The following GRIA1 variants were observed in gnomAD, a reference collection of about 807,000 sequenced individuals.
GRIA1 encodes glutamate receptor 1.
GRIA1 carries 31 observed loss-of-function variants against 99.2 expected under a neutral mutation model. The observed-to-expected ratio is 0.31, with a 90% CI of 0.23 to 0.42. The LOEUF (loss-of-function observed/expected upper bound fraction) is 0.42. GRIA1 is among the 10% of genes least tolerant of loss of function. The pLI is 1.00. For synonymous variants in GRIA1, 438 were observed against 432.4 expected (o/e 1.01, Z -0.16); for missense variants, 782 against 1,157.5 (o/e 0.68, Z 4.71).
intron 11 of GRIA1, among the ~76,000 whole-genome samples, chr5:153,753,699 G>GAA (rs570394934): frequency 0.12 from 17,624 of 145,212 alleles, 1,160 homozygotes; most frequent in South Asian, 0.28. Flanking sequence ...AATTCTGCAG[G>GAA]AAAAAAAAAA....
chr5:153,708,270 C>G (rs115736581), intron 11 of GRIA1, among the ~76,000 whole-genome samples: 6,596 of 152,242 alleles, frequency 0.043, 155 homozygotes, highest in Middle Eastern at 0.11. Flanking sequence ...CGCGCATTCA[C>G]GGTTCACCCC....
chr5:153,744,010 T>C (rs1761987015), intron 11 of GRIA1, among the ~76,000 whole-genome samples: 1 of 152,118 alleles, frequency 6.6e-6, no homozygotes, highest in African/African-American at 2.4e-5. Flanking sequence ...GCTTCTCCTC[T>C]TTGAGAACTG....
At chr5:153,571,638 G>C (rs1183455767) in intron 2 of GRIA1, among the ~76,000 whole-genome samples, 1 of 152,100 alleles carries the variant, frequency 6.6e-6, no homozygotes, top group African/African-American at 2.4e-5. Flanking sequence ...TTTGGACTAA[G>C]AAATACATGA....
chr5:153,647,455 C>T (rs2149454082), intron 3 of GRIA1, among the ~76,000 whole-genome samples: 1 of 152,248 alleles, frequency 6.6e-6, no homozygotes, highest in African/African-American at 2.4e-5. Context: ...TGGAGTCAGG[C>T]AGATCTGGAT....
intron 8 of GRIA1, among the ~76,000 whole-genome samples, chr5:153,692,441 C>G (rs1052055429): frequency 2.6e-5 from 4 of 152,122 alleles, no homozygotes; most frequent in African/African-American, 9.7e-5. Context: ...AAAAGAAGAC[C>G]ATTTTGTGAC....
intron 5 of GRIA1, among the ~76,000 whole-genome samples, chr5:153,672,780 C>T (rs536596467): frequency 6.6e-6 from 1 of 152,296 alleles, no homozygotes; most frequent in Non-Finnish European, 1.5e-5. Context: ...TCTCCATCGA[C>T]CATGGATCCC....
intron 2 of GRIA1, among the ~76,000 whole-genome samples, chr5:153,546,481 T>C (rs1269246434): frequency 6.6e-6 from 1 of 152,188 alleles, no homozygotes; most frequent in Non-Finnish European, 1.5e-5. Flanking sequence ...TGATGATAAT[T>C]TATGCTTATT....
In GRIA1 at chr5:153,494,015, C is replaced by A; in HGVS notation, c.170C>A (p.Pro57His). ...SQLTEPPKLLPQIDIVNISDS... is the reference protein window; with the variant it reads ...SQLTEPPKLLHQIDIVNISDS... Reference sequence around the variant, plus strand: ...CTCACAGAGCCCCCGAAGCTGCTCCCCCAGATTGATATTGTGAACATCAGC... The same window carrying A: ...CTCACAGAGCCCCCGAAGCTGCTCCACCAGATTGATATTGTGAACATCAGC... Residue 57 changes from proline to histidine, a missense_variant, in exon 2 of 16, where the codon CCC (proline) becomes CAC (histidine). By Grantham distance (77) the Pro-to-His change is moderately conservative. This residue lies in a region of GRIA1 where 461 missense variants were observed against 521.7 expected (regional missense o/e 0.88). Transcript: ENST00000285900. 6.2e-7 allele frequency: 1 copy of A among 1,614,066 alleles called. No individual in the cohort carries two copies. The highest frequency in any genetic ancestry group is 8.5e-7 in the Non-Finnish European group (1 of 1,179,946).
At chr5:153,601,389 T>G (rs1237901615) in intron 2 of GRIA1, among the ~76,000 whole-genome samples, 1 of 152,210 alleles carries the variant, frequency 6.6e-6, no homozygotes, top group Non-Finnish European at 1.5e-5. Context: ...ACAAAGAGAC[T>G]TTTTTTAATA....
intron 2 of GRIA1, among the ~76,000 whole-genome samples, chr5:153,551,355 TG>T (rs3064337): frequency 0.039 from 1,966 of 51,054 alleles, 43 homozygotes; most frequent in African/African-American, 0.069. Context: ...CAGTTTTTTT[TG>T]TTTGTTTGTT....
At chr5:153,669,868 AC>A (rs1756021493) in intron 5 of GRIA1, among the ~76,000 whole-genome samples, 1 of 151,960 alleles carries the variant, frequency 6.6e-6, no homozygotes, top group African/African-American at 2.4e-5. Flanking sequence ...CTCATATTAC[AC>A]CCCCAACATC....
chr5:153,565,405 T>A (rs552711478), intron 2 of GRIA1, among the ~76,000 whole-genome samples: 1 of 152,324 alleles, frequency 6.6e-6, no homozygotes, highest in Admixed American at 6.5e-5. Flanking sequence ...AAAAGTAAAA[T>A]AGCAATTTCT....
intron 2 of GRIA1, among the ~76,000 whole-genome samples, chr5:153,633,909 T>C (rs989289882): frequency 6.6e-6 from 1 of 152,150 alleles, no homozygotes; most frequent in African/African-American, 2.4e-5. Context: ...TAAATAAACA[T>C]GATTCTTGCC....
intron 2 of GRIA1, among the ~76,000 whole-genome samples, chr5:153,588,199 C>T (rs1477772917): frequency 6.6e-6 from 1 of 152,134 alleles, no homozygotes; most frequent in Non-Finnish European, 1.5e-5. Flanking sequence ...CAGTGTTAGC[C>T]TCTGTGTCTA....
At chr5:153,702,757 C>G (rs1228211985) in intron 10 of GRIA1, among the ~76,000 whole-genome samples, 1 of 152,194 alleles carries the variant, frequency 6.6e-6, no homozygotes, top group South Asian at 2.1e-4. Flanking sequence ...CTGCTGCACA[C>G]TCAAGTTTGA....
intron 3 of GRIA1, among the ~76,000 whole-genome samples, 185 bp downstream of exon 3, chr5:153,647,352 A>G (rs913725401): frequency 6.6e-6 from 1 of 152,180 alleles, no homozygotes; most frequent in Non-Finnish European, 1.5e-5. Flanking sequence ...ACGCATTCTG[A>G]GAATAATTCT....
chr5:153,656,173 C>T (rs1754930966), intron 5 of GRIA1, among the ~76,000 whole-genome samples: 1 of 152,056 alleles, frequency 6.6e-6, no homozygotes, highest in Non-Finnish European at 1.5e-5. Context: ...ACAAAATCAC[C>T]ACATCTTTGA....
intron 7 of GRIA1, among the ~76,000 whole-genome samples, chr5:153,684,566 A>G (rs1757213917): frequency 6.6e-6 from 1 of 152,178 alleles, no homozygotes; most frequent in Non-Finnish European, 1.5e-5. Context: ...AAATCAGTCT[A>G]CCAGTCTACC....
intron 13 of GRIA1, among the ~76,000 whole-genome samples, chr5:153,784,571 A>C (rs1457874506): frequency 6.6e-6 from 1 of 151,720 alleles, no homozygotes; most frequent in Non-Finnish European, 1.5e-5. Context: ...GTCAGGTGTG[A>C]AGGGAAATTT....
Sources: allele counts gnomAD v4.1 joint callset (sites outside exome capture counted in the v4.1 genomes callset), GRCh38; gene constraint gnomAD v4.1.1; regional missense constraint gnomAD v4.1.1; transcripts MANE v1.5; gene names NCBI Gene and HGNC (gene_info 2026-07-23, HGNC 2026-07-21).